The following CTIF variants were observed in gnomAD, a reference collection of about 807,000 sequenced individuals.
The protein encoded by CTIF is CBP80/20-dependent translation initiation factor.
Under a neutral mutation model 66.0 loss-of-function variants are expected in CTIF, and 21 were observed. The observed-to-expected ratio is 0.32, with a 90% CI of 0.23 to 0.46. CTIF has a LOEUF of 0.46. Ranked by LOEUF, CTIF falls within the 20% of genes least tolerant of loss-of-function variation. The pLI is 1.00. For missense variants in CTIF, 739 were observed against 812.7 expected, an observed-to-expected ratio of 0.91 and a Z score of 1.10; for synonymous variants, 345 against 326.4, an observed-to-expected ratio of 1.06 and a Z score of -0.62.
chr18:48,604,002 C>T (rs1196735955), intron 1 of CTIF, among the ~76,000 whole-genome samples: 1 of 151,656 alleles, frequency 6.6e-6, no homozygotes, highest in Non-Finnish European at 1.5e-5. Flanking sequence ...GCACATGCCG[C>T]CATGCCTGGC....
chr18:48,554,996 A>T (rs1009963257), intron 1 of CTIF, among the ~76,000 whole-genome samples: 6 of 142,978 alleles, frequency 4.2e-5, no homozygotes, highest in African/African-American at 1.6e-4. Flanking sequence ...TCAGAGTGCC[A>T]AATCTTCTTT....
chr18:48,579,123 CTTA>C (rs138970367), intron 1 of CTIF, among the ~76,000 whole-genome samples: 2 of 151,768 alleles, frequency 1.3e-5, no homozygotes, highest in East Asian at 1.9e-4. Context: ...ATACTCATAG[CTTA>C]TTATTATTAT....
chr18:48,616,214 A>C (rs928438969), intron 1 of CTIF, among the ~76,000 whole-genome samples: 5 of 152,240 alleles, frequency 3.3e-5, no homozygotes, highest in African/African-American at 4.8e-5. Flanking sequence ...GACGTCTTCC[A>C]GGAATAATGG....
At chr18:48,770,995 TC>T (rs202081699) in intron 9 of CTIF, among the ~76,000 whole-genome samples, 5 of 151,000 alleles carry the variant, frequency 3.3e-5, no homozygotes, top group Non-Finnish European at 5.9e-5. Context: ...CATTTCCATT[TC>T]CCCCCCCTAC....
intron 10 of CTIF, among the ~76,000 whole-genome samples, chr18:48,839,107 C>T (rs2068878668): frequency 6.6e-6 from 1 of 152,168 alleles, no homozygotes; most frequent in Non-Finnish European, 1.5e-5. Context: ...TTTCTTGAAT[C>T]TGGCCACCAC....
chr18:48,734,955 G>T (rs971142336), intron 7 of CTIF, among the ~76,000 whole-genome samples: 1 of 152,124 alleles, frequency 6.6e-6, no homozygotes, highest in African/African-American at 2.4e-5. Flanking sequence ...TACATATATG[G>T]TATATATGCA....
At chr18:48,808,482 G>A (rs1410023824) in intron 9 of CTIF, among the ~76,000 whole-genome samples, 1 of 148,006 alleles carries the variant, frequency 6.8e-6, no homozygotes, top group Non-Finnish European at 1.5e-5. Context: ...AGAAATGTGA[G>A]AAATACTCTT....
chr18:48,713,520 G>A (rs981030338), intron 7 of CTIF, among the ~76,000 whole-genome samples: 1 of 152,054 alleles, frequency 6.6e-6, no homozygotes, highest in African/African-American at 2.4e-5. Flanking sequence ...CCGAGCTTCC[G>A]CTGAGCTGCG....
chr18:48,605,372 A>C (rs527792120), intron 1 of CTIF, among the ~76,000 whole-genome samples: 1 of 152,232 alleles, frequency 6.6e-6, no homozygotes, highest in Non-Finnish European at 1.5e-5. Context: ...AGGCTATGGG[A>C]GGCTCCTTTC....
chr18:48,638,156 C>G (rs971509057), intron 3 of CTIF, among the ~76,000 whole-genome samples: 6 of 152,124 alleles, frequency 3.9e-5, no homozygotes, highest in African/African-American at 1.4e-4. Flanking sequence ...GGCACTGTCT[C>G]TAGCTCCTGC....
intron 1 of CTIF, among the ~76,000 whole-genome samples, chr18:48,572,534 A>T (rs2089439695): frequency 6.6e-6 from 1 of 152,190 alleles, no homozygotes; most frequent in Non-Finnish European, 1.5e-5. Flanking sequence ...CACAGCTAGT[A>T]GGAGCTAGAA....
chr18:48,770,845 G>A (rs1227777688), intron 9 of CTIF, among the ~76,000 whole-genome samples: 1 of 152,168 alleles, frequency 6.6e-6, no homozygotes. Flanking sequence ...ATGCATGCAC[G>A]GACCCCAGCT....
intron 9 of CTIF, among the ~76,000 whole-genome samples, chr18:48,772,548 A>G (rs80040305): frequency 0.017 from 2,320 of 135,124 alleles, 62 homozygotes; most frequent in African/African-American, 0.061. Flanking sequence ...TTCCATCTCC[A>G]TGAATTCACC....
At chr18:48,574,151 C>T (rs1227909485) in intron 1 of CTIF, among the ~76,000 whole-genome samples, 1 of 152,236 alleles carries the variant, frequency 6.6e-6, no homozygotes, top group East Asian at 1.9e-4. Flanking sequence ...TTCCTGCTGT[C>T]ACTCTGAAGA....
At chr18:48,633,027 G>A (rs111670728) in intron 2 of CTIF, among the ~76,000 whole-genome samples, 13 of 32,506 alleles carry the variant, frequency 4.0e-4, no homozygotes, top group Admixed American at 6.6e-4. Context: ...TGATTTGTGC[G>A]TGCCCATCAG....
intron 10 of CTIF, among the ~76,000 whole-genome samples, chr18:48,827,895 A>AC (rs2068615380): frequency 6.6e-6 from 1 of 151,708 alleles, no homozygotes; most frequent in African/African-American, 2.4e-5. Context: ...ACCTACCCAG[A>AC]CCCCCACGCC....
At chr18:48,635,071 A>T (rs1364585059) in intron 2 of CTIF, among the ~76,000 whole-genome samples, 5 of 152,136 alleles carry the variant, frequency 3.3e-5, no homozygotes, top group Admixed American at 3.3e-4. Flanking sequence ...TGTGGCTCTC[A>T]TTTTGTTTCA....
At chr18:48,558,710 C>T (rs1383123763) in intron 1 of CTIF, among the ~76,000 whole-genome samples, 1 of 152,148 alleles carries the variant, frequency 6.6e-6, no homozygotes, top group Admixed American at 6.5e-5. Flanking sequence ...AACTTGTTAT[C>T]TAGGATTTTG....
intron 10 of CTIF, among the ~76,000 whole-genome samples, chr18:48,849,019 C>T (rs1456128051): frequency 1.3e-5 from 2 of 152,178 alleles, no homozygotes; most frequent in African/African-American, 2.4e-5. Flanking sequence ...CCCACATCCC[C>T]GTCAGTGCCA....
Sources: gnomAD v4.1 joint callset for allele counts (sites outside exome capture counted in the v4.1 genomes callset) on GRCh38, gnomAD v4.1.1 for gene constraint, MANE v1.5 for transcripts, NCBI Gene and HGNC (gene_info 2026-07-23, HGNC 2026-07-21) for gene names.